The following GPR158 variants were observed in gnomAD, a reference collection of about 807,000 sequenced individuals.
GPR158 encodes G protein-coupled receptor 158.
GPR158 carries 30 observed loss-of-function variants against 78.2 expected under a neutral mutation model. The ratio of observed to expected loss-of-function variants is 0.38; its 90% CI spans 0.29 to 0.52. The LOEUF (loss-of-function observed/expected upper bound fraction) is 0.52, where lower values mean the gene tolerates loss of function less well. Ranked by LOEUF, GPR158 falls within the 20% of genes least tolerant of loss-of-function variation. The probability of loss-of-function intolerance (pLI) is 0.83; values close to 1 mark genes in which losing one functional copy is unlikely to be tolerated. For missense variants in GPR158, 1,463 were observed against 1,523.5 expected (o/e 0.96, Z 0.66); for synonymous variants, 581 against 591.1 (o/e 0.98, Z 0.25).
chr10:25,175,929 G>A lies in GPR158; in HGVS notation c.509G>A (p.Ser170Asn), dbSNP rs1588719473. 1.2e-6 allele frequency: 2 copies of A among 1,613,636 alleles called. No homozygotes were observed. The highest frequency in any genetic ancestry group is 1.7e-6 in the Non-Finnish European group (2 of 1,179,994). The part of the protein sequence containing the change: ...LVWSLLEGEP[S>N]ISRAAITFST... ...TGGAGCCTTCTGGAGGGCGAGCCCAGCATCTCCCGGGCGGCCATCACCTTC... is the reference window on the plus strand; with the variant it reads ...TGGAGCCTTCTGGAGGGCGAGCCCAACATCTCCCGGGCGGCCATCACCTTC... The change falls in exon 1 of 11, where the codon AGC (serine) becomes AAC (asparagine). Residue 170 changes from serine (S) to asparagine (N), a missense_variant. Coordinates refer to ENST00000376351, the MANE Select transcript of GPR158 (RefSeq NM_020752.3). This position sits in a 1 kb window ranked among gnomAD's most constrained non-coding sequence, Gnocchi z 6.4.
chr10:25,596,823 A>T (rs747156973), intron 10 of GPR158, 34 bp downstream of exon 10: 2 of 1,598,042 alleles, frequency 1.3e-6, no homozygotes, highest in Non-Finnish European at 1.7e-6. Flanking sequence ...TTCCTATTTC[A>T]GATTAGCCTT....
At chr10:25,558,526 G>C (rs959419091) in intron 6 of GPR158, among the ~76,000 whole-genome samples, 2 of 152,164 alleles carry the variant, frequency 1.3e-5, no homozygotes, top group Admixed American at 1.3e-4. Flanking sequence ...TCACCTGCCT[G>C]CTGTTGCACC....
chr10:25,576,728 TTCAGGAATG>T (rs534679537), intron 7 of GPR158, among the ~76,000 whole-genome samples: 56 of 152,204 alleles, frequency 3.7e-4, no homozygotes, highest in African/African-American at 1.3e-3. Context: ...AGGTCATGGC[TTCAGGAATG>T]AGAAGTATCA....
At chr10:25,481,461 G>A (rs1588882139) in intron 5 of GPR158, among the ~76,000 whole-genome samples, 2 of 152,248 alleles carry the variant, frequency 1.3e-5, no homozygotes, top group Non-Finnish European at 1.5e-5. Flanking sequence ...GAGAGGTCAG[G>A]GAGCTAGAAA....
chr10:25,193,198 A>C (rs1020662342), intron 1 of GPR158, among the ~76,000 whole-genome samples: 4 of 152,184 alleles, frequency 2.6e-5, no homozygotes, highest in African/African-American at 9.7e-5. Context: ...GATGGGGGAA[A>C]TGCATAATAA....
intron 5 of GPR158, among the ~76,000 whole-genome samples, chr10:25,522,918 TAATCTC>T (rs1262634032): frequency 6.6e-6 from 1 of 152,082 alleles, no homozygotes; most frequent in Non-Finnish European, 1.5e-5. Flanking sequence ...AAGGTTATAT[TAATCTC>T]AATTTCTATT....
intron 5 of GPR158, among the ~76,000 whole-genome samples, chr10:25,480,540 A>G (rs965289527): frequency 5.8e-5 from 7 of 120,788 alleles, no homozygotes; most frequent in Non-Finnish European, 1.3e-4. Context: ...CTTTGTTTCT[A>G]TGATATTGCC....
chr10:25,241,679 C>T (rs1853631746), intron 2 of GPR158, among the ~76,000 whole-genome samples: 1 of 152,200 alleles, frequency 6.6e-6, no homozygotes, highest in Non-Finnish European at 1.5e-5. Context: ...ACCTTGGCCT[C>T]CCAAAGTGCT....
At chr10:25,443,859 A>G (rs1025914350) in intron 4 of GPR158, among the ~76,000 whole-genome samples, 7 of 151,588 alleles carry the variant, frequency 4.6e-5, no homozygotes, top group African/African-American at 1.5e-4. Flanking sequence ...TCAGACCTCA[A>G]CTCCTCCATC....
chr10:25,501,107 G>A (rs144235494), intron 5 of GPR158, among the ~76,000 whole-genome samples: 67 of 152,258 alleles, frequency 4.4e-4, no homozygotes, highest in African/African-American at 1.5e-3. Context: ...CAGGGACTCC[G>A]ACCTGTTGAG....
At chr10:25,551,278 G>T (rs1399418564) in intron 6 of GPR158, among the ~76,000 whole-genome samples, 193 bp downstream of exon 6, 2 of 152,154 alleles carry the variant, frequency 1.3e-5, no homozygotes, top group Admixed American at 1.3e-4. Context: ...CAACTGAATT[G>T]TTTGAACAAG....
At chr10:25,193,677 G>A (rs558876686) in intron 1 of GPR158, among the ~76,000 whole-genome samples, 4 of 152,150 alleles carry the variant, frequency 2.6e-5, no homozygotes, top group Non-Finnish European at 5.9e-5. Flanking sequence ...CCCTTTGGGT[G>A]TCTTTATTGT....
intron 5 of GPR158, among the ~76,000 whole-genome samples, 176 bp from the exon 6 acceptor site, chr10:25,550,800 G>A (rs1294341672): frequency 2.6e-5 from 4 of 152,090 alleles, no homozygotes; most frequent in Non-Finnish European, 5.9e-5. Context: ...AAGCAGTAGG[G>A]AGACTGTGTA....
At chr10:25,575,507 CTCAA>C (rs1432468156) in intron 7 of GPR158, among the ~76,000 whole-genome samples, 8 of 152,070 alleles carry the variant, frequency 5.3e-5, no homozygotes, top group African/African-American at 1.9e-4. Flanking sequence ...CTCTGACTTC[CTCAA>C]TCAGACACTC....
chr10:25,224,368 G>GTA (rs1307071323), intron 2 of GPR158, among the ~76,000 whole-genome samples: 3 of 151,202 alleles, frequency 2.0e-5, no homozygotes, highest in East Asian at 1.9e-4. Context: ...TCAGTCCAAG[G>GTA]TATATATATA....
chr10:25,473,445 G>A lies in GPR158; in HGVS notation c.1404+6726G>A, dbSNP rs540361151. 1.5e-4 allele frequency among the ~76,000 whole-genome samples: 23 copies of A among 152,164 alleles called. No individual in the cohort carries two copies. The East Asian group carries it at 2.3e-3, about 15-fold the overall frequency. ...TTTTGTTGTGTCTCTGCCCAGCTTT[G>A]GTATCAGGATGATGCTGGCCTCATA... On this transcript the variant is annotated intron_variant, in intron 5 of 10. Coordinates refer to ENST00000376351, the MANE Select transcript of GPR158 (RefSeq NM_020752.3).
At chr10:25,192,444 A>G (rs944871505) in intron 1 of GPR158, among the ~76,000 whole-genome samples, 1 of 152,150 alleles carries the variant, frequency 6.6e-6, no homozygotes, top group Non-Finnish European at 1.5e-5. Flanking sequence ...GAAAAACAGC[A>G]TGGGAATAGT....
At chr10:25,555,379 G>A (rs1298071424) in intron 6 of GPR158, among the ~76,000 whole-genome samples, 1 of 152,108 alleles carries the variant, frequency 6.6e-6, no homozygotes, top group Non-Finnish European at 1.5e-5. Context: ...TAAAGGAAAA[G>A]GAGCTGAAGT....
intron 2 of GPR158, among the ~76,000 whole-genome samples, chr10:25,316,560 C>T (rs560675255): frequency 2.0e-4 from 30 of 152,252 alleles, no homozygotes; most frequent in African/African-American, 7.2e-4. Context: ...TGGACAGTGT[C>T]TGTTCTACAT....
Sources: gnomAD v4.1 joint callset for allele counts (sites outside exome capture counted in the v4.1 genomes callset) on GRCh38, gnomAD v4.1.1 for gene constraint, Gnocchi (gnomAD v3.1) non-coding constraint, MANE v1.5 for transcripts, NCBI Gene and HGNC (gene_info 2026-07-23, HGNC 2026-07-21) for gene names.